Variants in TRHDE observed in about 807,000 individuals in gnomAD.
TRHDE encodes thyrotropin releasing hormone degrading enzyme, also known as thyrotropin-releasing hormone-degrading ectoenzyme.
A neutral mutation model predicts 125.7 loss-of-function variants in TRHDE; 72 were observed. The observed-to-expected ratio is 0.57, with a 90% CI of 0.47 to 0.70. The LOEUF (loss-of-function observed/expected upper bound fraction) is 0.70. Among genes scored for constraint, TRHDE ranks in the 30% least tolerant of loss-of-function variants. The probability of loss-of-function intolerance (pLI) is 0.00; values close to 1 mark genes in which losing one functional copy is unlikely to be tolerated. For missense variants in TRHDE, 1,110 were observed against 1,327.1 expected, an observed-to-expected ratio of 0.84 and a Z score of 2.54; for synonymous variants, 509 against 509.1, an observed-to-expected ratio of 1.00 and a Z score of 0.00.
chr12:72,391,364 G>C (rs538066203), intron 3 of TRHDE, among the ~76,000 whole-genome samples: 1 of 152,164 alleles, frequency 6.6e-6, no homozygotes. Context: ...TATGGTAGTC[G>C]TAAATGAAGC....
At chr12:72,149,552 G>A (rs1025449316) in intron 2 of TRHDE, among the ~76,000 whole-genome samples, 3 of 151,700 alleles carry the variant, frequency 2.0e-5, no homozygotes, top group African/African-American at 7.3e-5. Flanking sequence ...CAAGATTAGA[G>A]TTGTGTTGTA....
At chr12:72,573,368 T>C (rs759506491) in intron 10 of TRHDE, among the ~76,000 whole-genome samples, 12 of 152,012 alleles carry the variant, frequency 7.9e-5, no homozygotes, top group Non-Finnish European at 1.6e-4. Flanking sequence ...TTTTGAAAAC[T>C]ATACAATCAT....
At chr12:72,363,604 A>C (rs1296263887) in intron 2 of TRHDE, among the ~76,000 whole-genome samples, 1 of 152,096 alleles carries the variant, frequency 6.6e-6, no homozygotes, top group Non-Finnish European at 1.5e-5. Flanking sequence ...TAAATTAGGT[A>C]CTGATGGGAC....
chr12:72,457,558 G>GA (rs1026533371), intron 3 of TRHDE, among the ~76,000 whole-genome samples: 3 of 147,978 alleles, frequency 2.0e-5, no homozygotes, highest in Admixed American at 6.8e-5. Flanking sequence ...GGGTATCGGC[G>GA]TTTTTTTTTT....
intron 3 of TRHDE, among the ~76,000 whole-genome samples, chr12:72,406,945 T>C (rs996776971): frequency 2.0e-5 from 3 of 152,136 alleles, no homozygotes; most frequent in African/African-American, 7.2e-5. Context: ...GTGAAAACCA[T>C]AGGAAGATGT....
intron 3 of TRHDE, among the ~76,000 whole-genome samples, chr12:72,381,482 G>A (rs891165539): frequency 2.5e-4 from 37 of 146,606 alleles, no homozygotes; most frequent in African/African-American, 4.6e-4. Context: ...TGCAAGCTCC[G>A]CCTCCCGGGT....
intron 2 of TRHDE, among the ~76,000 whole-genome samples, chr12:72,229,320 CA>C (rs1484785572): frequency 6.6e-6 from 1 of 152,154 alleles, no homozygotes; most frequent in African/African-American, 2.4e-5. Context: ...TGAGCTTGTG[CA>C]GGGGAACTCC....
chr12:72,514,207 C>A (rs932912367), intron 6 of TRHDE, among the ~76,000 whole-genome samples: 4 of 151,992 alleles, frequency 2.6e-5, no homozygotes, highest in South Asian at 2.1e-4. Flanking sequence ...GGAAAAAAAC[C>A]AATTTACAGT....
At chr12:72,243,878 A>G (rs1878526942) in intron 2 of TRHDE, among the ~76,000 whole-genome samples, 1 of 152,190 alleles carries the variant, frequency 6.6e-6, no homozygotes, top group Non-Finnish European at 1.5e-5. Context: ...GAATTATTGT[A>G]GAAAATATTT....
At chr12:72,404,299 A>G (rs1297426063) in intron 3 of TRHDE, among the ~76,000 whole-genome samples, 1 of 151,970 alleles carries the variant, frequency 6.6e-6, no homozygotes, top group Non-Finnish European at 1.5e-5. Flanking sequence ...GGGCATGGTG[A>G]CACACACCTG....
intron 9 of TRHDE, among the ~76,000 whole-genome samples, chr12:72,564,492 T>C (rs991506529): frequency 4.6e-5 from 7 of 151,910 alleles, no homozygotes; most frequent in African/African-American, 1.7e-4. Flanking sequence ...ACAGAACAAA[T>C]TTTGAACAAA....
chr12:72,448,178 A>G (rs1875392435), intron 3 of TRHDE, among the ~76,000 whole-genome samples: 1 of 151,990 alleles, frequency 6.6e-6, no homozygotes, highest in South Asian at 2.1e-4. Context: ...TGTTGACACA[A>G]CCTAATGGAT....
intron 15 of TRHDE, among the ~76,000 whole-genome samples, chr12:72,645,635 A>G (rs1318149497): frequency 6.6e-6 from 1 of 152,114 alleles, no homozygotes; most frequent in Admixed American, 6.5e-5. Context: ...AACACCCCAA[A>G]TAGTGACCCT....
chr12:72,553,149 C>T (rs187186550), intron 7 of TRHDE, among the ~76,000 whole-genome samples: 234 of 152,162 alleles, frequency 1.5e-3, no homozygotes, highest in Non-Finnish European at 2.7e-3. Flanking sequence ...AAGGTACTTT[C>T]TGACAGTTTT....
rs920615678 is a variant in TRHDE at position 72,613,577 on chromosome 12, T to TA, written c.2322-5309dup. Among the ~76,000 whole-genome samples, 20 of 152,294 alleles carry TA rather than the reference T, an allele frequency of 1.3e-4. No individual in the cohort carries two copies. The East Asian group carries it at 3.9e-3, about 29-fold the overall frequency. ...TAGGTTCTGCATTAGTCTGTGGGGA[T>TA]AAAAAGATGGGTGGAGCATATTTCA... On this transcript the variant is annotated intron_variant, in intron 12 of 18. Transcript: ENST00000261180.
At chr12:72,308,435 G>A (rs114123732) in intron 2 of TRHDE, among the ~76,000 whole-genome samples, 2,462 of 152,186 alleles carry the variant, frequency 0.016, 62 homozygotes, top group African/African-American at 0.057. Context: ...GTTCTACTCT[G>A]TGTTAGCTGT....
chr12:72,418,773 G>C (rs1873833844), intron 3 of TRHDE, among the ~76,000 whole-genome samples: 1 of 152,090 alleles, frequency 6.6e-6, no homozygotes, highest in Admixed American at 6.6e-5. Flanking sequence ...ATAAAATATA[G>C]AGAGGTCTTA....
At chr12:72,569,923 G>A (rs1272493396) in intron 10 of TRHDE, among the ~76,000 whole-genome samples, 2 of 152,046 alleles carry the variant, frequency 1.3e-5, no homozygotes, top group Non-Finnish European at 2.9e-5. Flanking sequence ...GTCTTTTCCT[G>A]TCATGTAGTT....
chr12:72,359,997 G>A (rs989661156), intron 2 of TRHDE, among the ~76,000 whole-genome samples: 4 of 151,488 alleles, frequency 2.6e-5, no homozygotes, highest in African/African-American at 9.7e-5. Context: ...ATAAGTCAGT[G>A]GAAAGGCAAG....
Sources: allele counts gnomAD v4.1 joint callset (sites outside exome capture counted in the v4.1 genomes callset), GRCh38; gene constraint gnomAD v4.1.1; transcripts MANE v1.5; gene names NCBI Gene and HGNC (gene_info 2026-07-23, HGNC 2026-07-21).